Variants in LSAMP observed in about 807,000 individuals in gnomAD.
The protein encoded by LSAMP is limbic system associated membrane protein.
A neutral mutation model predicts 38.6 loss-of-function variants in LSAMP; 7 were observed. That is an observed-to-expected ratio of 0.18 (90% CI 0.10 to 0.34). LSAMP has a LOEUF of 0.34. LSAMP is among the 10% of genes least tolerant of loss of function. The pLI, the probability that LSAMP is intolerant of heterozygous loss-of-function variation, is 1.00. For synonymous variants in LSAMP, 154 were observed against 166.8 expected (o/e 0.92, Z 0.59); for missense variants, 313 against 420.0 (o/e 0.75, Z 2.23).
At chr3:116,154,594 T>C (rs1709696327) in intron 1 of LSAMP, among the ~76,000 whole-genome samples, 2 of 152,118 alleles carry the variant, frequency 1.3e-5, no homozygotes, top group Admixed American at 1.3e-4. Context: ...TAGCCTCACC[T>C]AAAGGCATGC....
chr3:115,880,684 T>A (rs1936298023), intron 3 of LSAMP, among the ~76,000 whole-genome samples: 1 of 152,118 alleles, frequency 6.6e-6, no homozygotes, highest in Admixed American at 6.6e-5. Flanking sequence ...GAAAATCAGA[T>A]TAAAAGATCA....
intron 3 of LSAMP, among the ~76,000 whole-genome samples, chr3:115,947,897 G>A (rs1300428435): frequency 6.6e-6 from 1 of 152,168 alleles, no homozygotes; most frequent in Non-Finnish European, 1.5e-5. Flanking sequence ...CAGGTAGCTG[G>A]CTGATGGGAG....
At chr3:115,908,890 A>G (rs752835267) in intron 3 of LSAMP, among the ~76,000 whole-genome samples, 3 of 152,162 alleles carry the variant, frequency 2.0e-5, no homozygotes, top group Non-Finnish European at 2.9e-5. Context: ...TTCTGTCTTC[A>G]GTCAAGAGTG....
At chr3:116,071,353 ATTC>A (rs2107382141) in intron 2 of LSAMP, among the ~76,000 whole-genome samples, 1 of 150,670 alleles carries the variant, frequency 6.6e-6, no homozygotes, top group Admixed American at 6.6e-5. Flanking sequence ...TTTTTTAACA[ATTC>A]TTCTTGAGCT....
intron 1 of LSAMP, among the ~76,000 whole-genome samples, chr3:116,110,631 A>C (rs1305729459): frequency 6.6e-6 from 1 of 152,150 alleles, no homozygotes; most frequent in Non-Finnish European, 1.5e-5. Flanking sequence ...GTTGGAGAAG[A>C]GTGTAAAAAG....
At chr3:116,389,391 G>A (rs1385265476) in intron 1 of LSAMP, among the ~76,000 whole-genome samples, 1 of 152,150 alleles carries the variant, frequency 6.6e-6, no homozygotes, top group Non-Finnish European at 1.5e-5. Context: ...ACCTGCCTTG[G>A]CCACAGTGAT....
At chr3:115,916,376 ATTTAATATACCT>A (rs1433031592) in intron 3 of LSAMP, among the ~76,000 whole-genome samples, 5 of 152,342 alleles carry the variant, frequency 3.3e-5, no homozygotes, top group African/African-American at 1.2e-4. Context: ...GCAGATAGAA[ATTTAATATACCT>A]GCCAAATGTC....
At chr3:115,835,230 T>G (rs977191820) in intron 6 of LSAMP, among the ~76,000 whole-genome samples, 2 of 152,192 alleles carry the variant, frequency 1.3e-5, no homozygotes, top group African/African-American at 2.4e-5. Context: ...TAATACATTC[T>G]TACCCGAAAT....
At chr3:116,071,087 AT>A in intron 2 of LSAMP, among the ~76,000 whole-genome samples, 1 of 149,528 alleles carries the variant, frequency 6.7e-6, no homozygotes, top group South Asian at 2.1e-4. Flanking sequence ...AAATAAATAA[AT>A]AAATAAAATA....
chr3:115,981,649 G>A (rs2107627930), intron 3 of LSAMP, among the ~76,000 whole-genome samples: 1 of 152,278 alleles, frequency 6.6e-6, no homozygotes, highest in East Asian at 1.9e-4. Flanking sequence ...TGATTGGCTA[G>A]TTGCTCAGAA....
chr3:115,871,037 G>A (rs568413961), intron 3 of LSAMP, among the ~76,000 whole-genome samples: 194 of 152,150 alleles, frequency 1.3e-3, no homozygotes, highest in Admixed American at 3.8e-3. Context: ...AAATACATAG[G>A]AATCAGCCAT....
chr3:116,016,866 C>T (rs1380569731), intron 3 of LSAMP, among the ~76,000 whole-genome samples: 3 of 152,106 alleles, frequency 2.0e-5, no homozygotes, highest in Non-Finnish European at 4.4e-5. Context: ...GCAGGCAGTA[C>T]ATAAATGGAG....
intron 1 of LSAMP, among the ~76,000 whole-genome samples, chr3:116,411,626 T>G (rs200382187): frequency 1.5e-5 from 1 of 68,434 alleles, no homozygotes; most frequent in Non-Finnish European, 2.6e-5. Context: ...GGGACTGTTG[T>G]GGGGTGGGGG....
chr3:116,297,142 C>G (rs988391221), intron 1 of LSAMP, among the ~76,000 whole-genome samples: 1 of 152,048 alleles, frequency 6.6e-6, no homozygotes, highest in Admixed American at 6.5e-5. Flanking sequence ...TTGTGGATCC[C>G]AGTGAAGGGA....
In LSAMP at chr3:115,809,756, G is replaced by A. The variant is rs1412541494; in HGVS notation, c.*561C>T. 6.5e-6 allele frequency: 1 copy of A among 152,752 alleles called. No homozygotes were observed. Among genetic ancestry groups the A allele is most frequent in the African/African-American group, 2.4e-5 (1 of 41,394 alleles). 9.5% of individuals were successfully genotyped at this position (152,752 alleles called of 1,614,324 possible). On this transcript the variant is annotated 3_prime_UTR_variant, in exon 7 of 7. Transcript: ENST00000490035. ...AGAACGCACTGGAGGGAGAGGGGAT[G>A]ATCTCTAAAGTTGGAGAGATAGTGG...
chr3:116,240,828 G>C (rs2046523191), intron 1 of LSAMP, among the ~76,000 whole-genome samples: 1 of 152,330 alleles, frequency 6.6e-6, no homozygotes, highest in African/African-American at 2.4e-5. Context: ...TAAATAACAT[G>C]CTATGCCAGA....
intron 2 of LSAMP, among the ~76,000 whole-genome samples, chr3:116,053,434 AAAC>A (rs1382474035): frequency 3.3e-5 from 5 of 152,350 alleles, no homozygotes; most frequent in Non-Finnish European, 5.9e-5. Context: ...CATGGAATAA[AAAC>A]AACAAGCTAA....
intron 1 of LSAMP, among the ~76,000 whole-genome samples, chr3:116,354,962 T>C (rs529872425): frequency 6.6e-6 from 1 of 152,062 alleles, no homozygotes; most frequent in South Asian, 2.1e-4. Context: ...GCATGACTGA[T>C]TCTCCAACAT....
At chr3:115,954,516 CAG>C (rs1327612734) in intron 3 of LSAMP, among the ~76,000 whole-genome samples, 1 of 152,162 alleles carries the variant, frequency 6.6e-6, no homozygotes, top group African/African-American at 2.4e-5. Flanking sequence ...CAAATGGAAA[CAG>C]AAAAAGTACA....
Sources: gnomAD v4.1 joint callset for allele counts (sites outside exome capture counted in the v4.1 genomes callset) on GRCh38, gnomAD v4.1.1 for gene constraint, MANE v1.5 for transcripts, NCBI Gene and HGNC (gene_info 2026-07-23, HGNC 2026-07-21) for gene names.